The following DLGAP2 variants were observed in gnomAD, a reference collection of about 807,000 sequenced individuals.
The protein encoded by DLGAP2 is disks large-associated protein 2.
In DLGAP2, 26 loss-of-function variants were observed where a neutral mutation model predicts 100.3. The observed-to-expected ratio is 0.26, with a 90% confidence interval of 0.19 to 0.36. The LOEUF (loss-of-function observed/expected upper bound fraction) is 0.36. DLGAP2 is among the 10% of genes least tolerant of loss of function. The probability of loss-of-function intolerance (pLI) is 1.00; values close to 1 mark genes in which losing one functional copy is unlikely to be tolerated. For synonymous variants in DLGAP2, 886 were observed against 630.1 expected (o/e 1.41, Z -6.08); for missense variants, 1,858 against 1,453.2 (o/e 1.28, Z -4.53).
At chr8:1,189,527 A>G (rs1485344242) in intron 2 of DLGAP2, among the ~76,000 whole-genome samples, 1 of 152,138 alleles carries the variant, frequency 6.6e-6, no homozygotes, top group East Asian at 1.9e-4. Context: ...CACTTTAAGG[A>G]TTATGAATTC....
intron 6 of DLGAP2, 39 bp from the exon 7 acceptor site, chr8:1,626,701 G>C: frequency 1.3e-6 from 2 of 1,565,216 alleles, no homozygotes; most frequent in Non-Finnish European, 1.7e-6. Flanking sequence ...TGCAGCGGGT[G>C]CTCACAGAAT....
chr8:874,586 A>G (rs1797655829), intron 1 of DLGAP2, among the ~76,000 whole-genome samples: 1 of 152,144 alleles, frequency 6.6e-6, no homozygotes, highest in South Asian at 2.1e-4. Context: ...TATTTGTATC[A>G]TTTTAAATTT....
chr8:819,263 A>T lies in DLGAP2; in HGVS notation c.18+81438A>T, dbSNP rs544478627. On this transcript the variant is annotated intron_variant, in intron 1 of 14. Transcript: ENST00000637795. Reference sequence around the variant, plus strand: ...AGTAATGCATAAGATAAGGATATTTAAAAAACCCCTCATGACTATATCAAT... The same window carrying T: ...AGTAATGCATAAGATAAGGATATTTTAAAAACCCCTCATGACTATATCAAT... Among the ~76,000 whole-genome samples, 4 of 152,360 alleles carry T rather than the reference A, an allele frequency of 2.6e-5. 1 individual carries two copies. The highest frequency in any genetic ancestry group is 4.1e-4 in the South Asian group (2 of 4,828).
intron 3 of DLGAP2, among the ~76,000 whole-genome samples, chr8:1,416,862 G>A (rs1796899910): frequency 6.6e-6 from 1 of 152,120 alleles, no homozygotes; most frequent in South Asian, 2.1e-4. Flanking sequence ...AGCATAATCC[G>A]TTCTCTCCCT....
At chr8:755,725 G>C (rs1178184126) in intron 1 of DLGAP2, among the ~76,000 whole-genome samples, 1 of 152,178 alleles carries the variant, frequency 6.6e-6, no homozygotes, top group Non-Finnish European at 1.5e-5. Flanking sequence ...GGCCTGGAGA[G>C]GGGCCCCATG....
chr8:1,316,378 C>T (rs1423833726), intron 3 of DLGAP2, among the ~76,000 whole-genome samples: 1 of 139,552 alleles, frequency 7.2e-6, no homozygotes, highest in African/African-American at 2.8e-5. Flanking sequence ...GGTCTACACT[C>T]GAGAAACTTG....
chr8:1,465,724 G>A (rs922044776), intron 3 of DLGAP2, among the ~76,000 whole-genome samples: 5 of 152,342 alleles, frequency 3.3e-5, no homozygotes, highest in Middle Eastern at 3.4e-3. Flanking sequence ...GGAGAAAGTC[G>A]CTGCGCTCTG....
At chr8:1,271,580 A>G (rs1436431003) in intron 3 of DLGAP2, among the ~76,000 whole-genome samples, 1 of 152,232 alleles carries the variant, frequency 6.6e-6, no homozygotes, top group Non-Finnish European at 1.5e-5. Context: ...GTTGCAATAA[A>G]GAGTTGTAAA....
chr8:925,527 C>T (rs754048456), intron 2 of DLGAP2, among the ~76,000 whole-genome samples: 22 of 152,006 alleles, frequency 1.4e-4, no homozygotes, highest in African/African-American at 3.9e-4. Context: ...TGGATGGGTG[C>T]GGAGAGAGTG....
intron 2 of DLGAP2, among the ~76,000 whole-genome samples, chr8:1,080,054 C>T (rs1005876170): frequency 4.6e-5 from 7 of 152,322 alleles, no homozygotes; most frequent in African/African-American, 1.2e-4. Context: ...GGGTTTTGTC[C>T]TCAAGCGTAT....
At chr8:1,387,960 G>T (rs1796256940) in intron 3 of DLGAP2, among the ~76,000 whole-genome samples, 1 of 152,238 alleles carries the variant, frequency 6.6e-6, no homozygotes. Context: ...AGCGATCAAG[G>T]CGTGGAGGTC....
chr8:1,027,348 G>C (rs1302624130), intron 2 of DLGAP2, among the ~76,000 whole-genome samples: 1 of 151,046 alleles, frequency 6.6e-6, no homozygotes, highest in Non-Finnish European at 1.5e-5. Flanking sequence ...TCCAGGTGTG[G>C]TACCAGGTGC....
Position 1,707,867 on chromosome 8 carries a change from A to C in DLGAP2, c.*6461A>C, listed in dbSNP as rs1316055572. On this transcript the variant is annotated 3_prime_UTR_variant, in exon 15 of 15. Transcript: ENST00000637795. The stretch of plus-strand genomic sequence containing the variant: ...ATTCAGCATCTGTACAAAGTCATTC[A>C]CTGGAATTCAACTATTTTATGTCAT... 6.6e-6 allele frequency: 1 copy of C among 152,610 alleles called. No homozygotes were observed. Among genetic ancestry groups the C allele is most frequent in the African/African-American group, 2.4e-5 (1 of 41,444 alleles). The allele number at this position is 152,610 out of a possible 1,614,324, so 9.5% of individuals were successfully genotyped here. A position where few individuals can be genotyped will look rare whatever the true frequency, so the allele number is the denominator to read the frequency against.
chr8:1,407,614 GA>G (rs1796603858), intron 3 of DLGAP2, among the ~76,000 whole-genome samples: 1 of 78,572 alleles, frequency 1.3e-5, no homozygotes, highest in Non-Finnish European at 2.5e-5. Flanking sequence ...TCATCCTCCA[GA>G]GTCGTGTATT....
chr8:960,752 G>C, intron 2 of DLGAP2, among the ~76,000 whole-genome samples: 1 of 152,174 alleles, frequency 6.6e-6, no homozygotes, highest in Non-Finnish European at 1.5e-5. Flanking sequence ...CCTATTGTAA[G>C]TTGAAAGTAT....
chr8:1,468,653 G>C (rs1265259357), intron 3 of DLGAP2, among the ~76,000 whole-genome samples: 10 of 152,136 alleles, frequency 6.6e-5, no homozygotes, highest in African/African-American at 2.2e-4. Flanking sequence ...TGCATTCCTC[G>C]CTTTATTTAC....
intron 4 of DLGAP2, among the ~76,000 whole-genome samples, chr8:1,541,316 C>T (rs1490055573): frequency 6.6e-6 from 1 of 152,152 alleles, no homozygotes; most frequent in Non-Finnish European, 1.5e-5. Context: ...AAGTATACAG[C>T]ATGACTCAGA....
chr8:956,414 A>G (rs1479666892), intron 2 of DLGAP2, among the ~76,000 whole-genome samples: 1 of 152,146 alleles, frequency 6.6e-6, no homozygotes, highest in East Asian at 1.9e-4. Flanking sequence ...GGGTGGCTGG[A>G]GATCACTGCA....
intron 2 of DLGAP2, among the ~76,000 whole-genome samples, chr8:1,196,723 G>T (rs113605126): frequency 5.3e-5 from 8 of 152,212 alleles, no homozygotes; most frequent in African/African-American, 1.9e-4. Context: ...CACGTTGTCA[G>T]TGGGGCTCCA....
Sources: gnomAD v4.1 joint callset for allele counts (sites outside exome capture counted in the v4.1 genomes callset) on GRCh38, gnomAD v4.1.1 for gene constraint, MANE v1.5 for transcripts, NCBI Gene and HGNC (gene_info 2026-07-23, HGNC 2026-07-21) for gene names.